The following NCAM2 variants were observed in gnomAD, a reference collection of about 807,000 sequenced individuals.
The protein encoded by NCAM2 is neural cell adhesion molecule 2.
NCAM2 carries 30 observed loss-of-function variants against 98.1 expected under a neutral mutation model. That is an observed-to-expected ratio of 0.31 (90% CI 0.23 to 0.41). The LOEUF is 0.41. Among genes scored for constraint, NCAM2 ranks in the 10% least tolerant of loss-of-function variants. The probability of loss-of-function intolerance (pLI) is 1.00; values close to 1 mark genes in which losing one functional copy is unlikely to be tolerated. For missense variants in NCAM2, 867 were observed against 1,005.8 expected (o/e 0.86, Z 1.87); for synonymous variants, 368 against 342.4 (o/e 1.07, Z -0.83).
rs548426004 is a variant in NCAM2, at chr21:21,251,409, G to A, written c.56-29169G>A. Among the ~76,000 whole-genome samples the A allele has an allele frequency of 5.3e-5, 8 of 151,894 alleles. No homozygotes were observed. The South Asian group carries it at 1.7e-3, about 32-fold the overall frequency. On this transcript the variant is annotated intron_variant, in intron 1 of 17. Transcript: ENST00000400546. ...ACTTATGAGTGAGAACATGTGTGCT[G>A]ATTTTCTGTTCCTGTGTTAGCTTGC...
chr21:21,307,770 A>C (rs771606257), intron 5 of NCAM2, among the ~76,000 whole-genome samples: 1 of 151,958 alleles, frequency 6.6e-6, no homozygotes, highest in Non-Finnish European at 1.5e-5. Context: ...TCCAACCCAT[A>C]CTTGGAATAT....
chr21:21,091,144 G>T (rs1041294538), intron 1 of NCAM2, among the ~76,000 whole-genome samples: 13 of 152,116 alleles, frequency 8.5e-5, no homozygotes, highest in Admixed American at 2.0e-4. Flanking sequence ...ACTGTGTGTT[G>T]CATGAATGAA....
chr21:21,261,125 T>A (rs2071882857), intron 1 of NCAM2, among the ~76,000 whole-genome samples: 1 of 152,076 alleles, frequency 6.6e-6, no homozygotes, highest in South Asian at 2.1e-4. Flanking sequence ...TATTTAGTGA[T>A]AAAGGTTTCA....
chr21:21,033,529 G>A (rs572730665), intron 1 of NCAM2, among the ~76,000 whole-genome samples: 1 of 152,114 alleles, frequency 6.6e-6, no homozygotes, highest in East Asian at 1.9e-4. Context: ...ACAAAGAGTG[G>A]GAGTAAATTT....
intron 1 of NCAM2, among the ~76,000 whole-genome samples, chr21:21,005,078 G>A (rs2064087164): frequency 1.3e-5 from 2 of 152,200 alleles, no homozygotes; most frequent in Admixed American, 1.3e-4. Flanking sequence ...GGAAAGGTGA[G>A]CCTCTGCACT....
At chr21:21,255,023 A>T (rs536175485) in intron 1 of NCAM2, among the ~76,000 whole-genome samples, 71 of 152,012 alleles carry the variant, frequency 4.7e-4, no homozygotes, top group African/African-American at 1.6e-3. Context: ...AATTTTTTGC[A>T]TCAAAACAGA....
At chr21:21,427,963 G>A (rs748641610) in intron 11 of NCAM2, among the ~76,000 whole-genome samples, 3 of 152,266 alleles carry the variant, frequency 2.0e-5, no homozygotes, top group African/African-American at 4.8e-5. Context: ...AACACTCGCC[G>A]TCGTACTATT....
intron 1 of NCAM2, among the ~76,000 whole-genome samples, chr21:21,229,034 T>C (rs1333132267): frequency 6.6e-6 from 1 of 151,534 alleles, no homozygotes; most frequent in Non-Finnish European, 1.5e-5. Flanking sequence ...AATGTATGTG[T>C]GTATGTTCTT....
intron 15 of NCAM2, among the ~76,000 whole-genome samples, chr21:21,502,331 AAATGATTC>A (rs2146338209): frequency 6.6e-6 from 1 of 152,092 alleles, no homozygotes; most frequent in Non-Finnish European, 1.5e-5. Flanking sequence ...TGCACTATTT[AAATGATTC>A]AAATTTGAGG....
At chr21:21,430,516 C>G (rs1470459885) in intron 11 of NCAM2, among the ~76,000 whole-genome samples, 1 of 151,470 alleles carries the variant, frequency 6.6e-6, no homozygotes, top group East Asian at 2.0e-4. Context: ...AGGAAACTTA[C>G]AATTATGCTG....
intron 1 of NCAM2, among the ~76,000 whole-genome samples, chr21:21,145,302 T>C (rs959435701): frequency 1.3e-5 from 2 of 152,182 alleles, no homozygotes; most frequent in African/African-American, 4.8e-5. Flanking sequence ...AAATTGTGCT[T>C]ACTTGCTTTT....
At chr21:21,224,914 A>G (rs142021705) in intron 1 of NCAM2, among the ~76,000 whole-genome samples, 43 of 152,302 alleles carry the variant, frequency 2.8e-4, no homozygotes, top group African/African-American at 9.9e-4. Flanking sequence ...TTAGAATGGC[A>G]TGTATGAAAT....
chr21:21,497,094 C>T (rs1987295261), intron 15 of NCAM2, among the ~76,000 whole-genome samples: 1 of 152,068 alleles, frequency 6.6e-6, no homozygotes, highest in Admixed American at 6.6e-5. Context: ...TAGTCCTAAG[C>T]AAATTAACTC....
chr21:21,370,830 T>C (rs1384054000), intron 8 of NCAM2, among the ~76,000 whole-genome samples: 1 of 151,930 alleles, frequency 6.6e-6, no homozygotes, highest in Non-Finnish European at 1.5e-5. Flanking sequence ...AATACACTAG[T>C]AAATGTAAAG....
chr21:21,174,155 G>C (rs1480865018), intron 1 of NCAM2, among the ~76,000 whole-genome samples: 1 of 152,040 alleles, frequency 6.6e-6, no homozygotes, highest in African/African-American at 2.4e-5. Flanking sequence ...ACTAACCTCA[G>C]ATCGTGATCT....
intron 16 of NCAM2, among the ~76,000 whole-genome samples, chr21:21,532,146 A>G (rs913320103): frequency 2.6e-5 from 4 of 152,140 alleles, no homozygotes; most frequent in African/African-American, 9.6e-5. Context: ...GTTAAAAATA[A>G]CCTAAATGTT....
chr21:21,373,505 A>T (rs1205092118), intron 8 of NCAM2, among the ~76,000 whole-genome samples: 1 of 151,900 alleles, frequency 6.6e-6, no homozygotes, highest in Non-Finnish European at 1.5e-5. Context: ...GTAATTCAAA[A>T]TAATTGGAAT....
intron 16 of NCAM2, 96 bp downstream of exon 16, chr21:21,509,151 G>A: frequency 1.7e-6 from 2 of 1,201,422 alleles, no homozygotes; most frequent in African/African-American, 1.5e-5. Context: ...AAGGAGTAGG[G>A]TAAAGAGTTT....
At chr21:21,091,895 C>G (rs991546018) in intron 1 of NCAM2, among the ~76,000 whole-genome samples, 4 of 152,012 alleles carry the variant, frequency 2.6e-5, no homozygotes, top group African/African-American at 9.7e-5. Flanking sequence ...AAAATGTTCA[C>G]AGCGACATCT....
Sources: allele counts gnomAD v4.1 joint callset (sites outside exome capture counted in the v4.1 genomes callset), GRCh38; gene constraint gnomAD v4.1.1; transcripts MANE v1.5; gene names NCBI Gene and HGNC (gene_info 2026-07-23, HGNC 2026-07-21).